The following AKR1A1 variants were observed in gnomAD, a reference collection of about 807,000 sequenced individuals.
The protein encoded by AKR1A1 is HEL-S-165mP.
Under a neutral mutation model 39.2 loss-of-function variants are expected in AKR1A1, and 26 were observed. That is an observed-to-expected ratio of 0.66 (90% confidence interval 0.49 to 0.92). The LOEUF is 0.92. AKR1A1 is among the 40% of genes least tolerant of loss of function. The pLI is 0.00. For missense variants in AKR1A1, 378 were observed against 406.5 expected, an observed-to-expected ratio of 0.93 and a Z score of 0.60; for synonymous variants, 141 against 155.5, an observed-to-expected ratio of 0.91 and a Z score of 0.69.
intron 1 of AKR1A1, among the ~76,000 whole-genome samples, chr1:45,559,634 C>CTTTTTTTTTTTTTTTTTT (rs71056306): frequency 1.4e-5 from 1 of 73,128 alleles, no homozygotes; most frequent in Non-Finnish European, 2.4e-5. Context: ...CTTTTCTTTT[C>CTTTTTTTTTTTTTTTTTT]TTTTTTTTTT....
chr1:45,559,415 T>A (rs1476799782), intron 1 of AKR1A1, among the ~76,000 whole-genome samples: 1 of 152,102 alleles, frequency 6.6e-6, no homozygotes, highest in Non-Finnish European at 1.5e-5. Flanking sequence ...TGCACTGAAG[T>A]CATGTGTATA....
intron 4 of AKR1A1, 153 bp from the exon 5 acceptor site, chr1:45,567,826 CAAA>C (rs372088222): frequency 3.1e-3 from 1,665 of 528,730 alleles, no homozygotes; most frequent in South Asian, 5.8e-3. Flanking sequence ...GACTCCATCT[CAAA>C]AAAAAAAAAA....
intron 1 of AKR1A1, among the ~76,000 whole-genome samples, chr1:45,551,933 T>G (rs892770250): frequency 2.6e-5 from 4 of 152,054 alleles, no homozygotes; most frequent in Non-Finnish European, 5.9e-5. Context: ...CCTGTCAAGA[T>G]CTCTCCCCCA....
intron 1 of AKR1A1, among the ~76,000 whole-genome samples, chr1:45,559,421 G>T (rs1570898639): frequency 6.6e-6 from 1 of 152,022 alleles, no homozygotes; most frequent in Non-Finnish European, 1.5e-5. Context: ...GAAGTCATGT[G>T]TATAGTTTCC....
chr1:45,568,712 C>G (rs778456663), intron 6 of AKR1A1, 28 bp downstream of exon 6: 5 of 1,611,886 alleles, frequency 3.1e-6, no homozygotes, highest in Non-Finnish European at 3.4e-6. Flanking sequence ...GGAGAGGGCC[C>G]TGGGTTGGGA....
intron 1 of AKR1A1, among the ~76,000 whole-genome samples, chr1:45,560,665 G>A (rs1015825484): frequency 3.3e-5 from 5 of 151,696 alleles, no homozygotes; most frequent in Non-Finnish European, 7.4e-5. Flanking sequence ...GAGCCCACTC[G>A]GGCCTACCAG....
At chr1:45,562,303 T>C (rs1644287839) in intron 2 of AKR1A1, among the ~76,000 whole-genome samples, 1 of 151,940 alleles carries the variant, frequency 6.6e-6, no homozygotes. Context: ...AGGTGAATTG[T>C]ATATTGTATA....
intron 1 of AKR1A1, among the ~76,000 whole-genome samples, chr1:45,558,730 C>T (rs1241851027): frequency 1.3e-5 from 2 of 152,218 alleles, no homozygotes; most frequent in Admixed American, 1.3e-4. Flanking sequence ...GATGGGGTTT[C>T]GCCATGTTGG....
chr1:45,553,955 A>G (rs1342843887), intron 1 of AKR1A1, among the ~76,000 whole-genome samples: 9 of 151,718 alleles, frequency 5.9e-5, no homozygotes, highest in Admixed American at 5.9e-4. Context: ...AGATCACGCC[A>G]CTGCCCTCCA....
chr1:45,568,534 A>G lies in AKR1A1; in HGVS notation c.602A>G (p.Gln201Arg). ...LAQNELIAHC[Q>R]ARGLEVTAYS... ...CAAAATGAGCTAATTGCCCACTGCC[A>G]AGCACGTGGCCTGGAGGTAACTGCT... The change falls in exon 6 of 9, where the codon CAA (glutamine) becomes CGA (arginine). Residue 201 changes from glutamine to arginine, a missense_variant. By Grantham distance (43) the Gln-to-Arg change is conservative. Coordinates refer to ENST00000351829, the MANE Select transcript of AKR1A1 (RefSeq NM_153326.3). 6.2e-7 allele frequency: 1 copy of G among 1,613,936 alleles called. No individual in the cohort carries two copies.
At chr1:45,553,314 G>T (rs748256002) in intron 1 of AKR1A1, among the ~76,000 whole-genome samples, 1 of 151,632 alleles carries the variant, frequency 6.6e-6, no homozygotes, top group Non-Finnish European at 1.5e-5. Flanking sequence ...CCCAACTACT[G>T]GGGAGGCTGA....
At chr1:45,564,334 C>T (rs929485377) in intron 2 of AKR1A1, among the ~76,000 whole-genome samples, 2 of 152,116 alleles carry the variant, frequency 1.3e-5, no homozygotes. Flanking sequence ...CGTCGGCACC[C>T]GGGTGGGGAT....
chr1:45,567,899 T>A, intron 4 of AKR1A1, 83 bp from the exon 5 acceptor site: 1 of 1,316,300 alleles, frequency 7.6e-7, no homozygotes, highest in Non-Finnish European at 1.0e-6. Context: ...GATTGGAGTT[T>A]GGGACATAGA....
In AKR1A1 at chr1:45,560,492, C is replaced by A. The variant is rs1053063040; in HGVS notation, c.-6-1297C>A. 2.0e-5 allele frequency among the ~76,000 whole-genome samples: 3 copies of A among 152,126 alleles called. 1 individual carries two copies. In the East Asian group the frequency reaches 5.8e-4, roughly 29 times the overall value. ...AGGTGTGCTGGCACAGGCCTGTAGT[C>A]CCAGCTACTTGGAAGGGTGAGGCAG... On this transcript the variant is annotated intron_variant, in intron 1 of 8. Coordinates refer to ENST00000351829, the MANE Select transcript of AKR1A1 (RefSeq NM_153326.3).
At chr1:45,568,805 G>A in intron 6 of AKR1A1, 121 bp downstream of exon 6, 1 of 1,519,726 alleles carries the variant, frequency 6.6e-7, no homozygotes, top group Non-Finnish European at 9.1e-7. Context: ...GGCCACTGTA[G>A]GCATATTTCC....
chr1:45,560,860 T>C (rs1644268346), intron 1 of AKR1A1, among the ~76,000 whole-genome samples: 1 of 151,872 alleles, frequency 6.6e-6, no homozygotes, highest in South Asian at 2.1e-4. Context: ...CCCAGGTAGC[T>C]GGGACTACAG....
chr1:45,568,833 G>T (rs1055527006), intron 6 of AKR1A1, 94 bp from the exon 7 acceptor site: 30 of 1,529,592 alleles, frequency 2.0e-5, no homozygotes, highest in Non-Finnish European at 2.7e-5. Flanking sequence ...GCAGGGCTCA[G>T]GTGCTCCAGG....
rs147981520 is a variant in AKR1A1 at position 45,555,966 on chromosome 1, G to A, written c.-7+4811G>A. ...AGAATCAAGGCCTAAGGCGATAACC[G>A]AAGACATGAACTCAACTAGGGAATG... On this transcript the variant is annotated intron_variant, in intron 1 of 8. Transcript: ENST00000351829. Among the ~76,000 whole-genome samples the A allele has an allele frequency of 4.6e-5, 7 of 152,228 alleles. No homozygotes were observed. The East Asian group carries it at 1.2e-3, about 25-fold the overall frequency.
At chr1:45,561,611 C>T (rs1449844006) in intron 1 of AKR1A1, among the ~76,000 whole-genome samples, 178 bp from the exon 2 acceptor site, 4 of 152,092 alleles carry the variant, frequency 2.6e-5, no homozygotes, top group African/African-American at 9.7e-5. Context: ...ACCATGTTGA[C>T]CCAACTGGTC....
Sources: gnomAD v4.1 joint callset for allele counts (sites outside exome capture counted in the v4.1 genomes callset) on GRCh38, gnomAD v4.1.1 for gene constraint, MANE v1.5 for transcripts, NCBI Gene and HGNC (gene_info 2026-07-23, HGNC 2026-07-21) for gene names.